MAGI2: variants seen among roughly 807,000 people sequenced by gnomAD.
MAGI2 encodes the protein membrane-associated guanylate kinase, WW and PDZ domain-containing protein 2.
MAGI2 carries 35 observed loss-of-function variants against 133.3 expected under a neutral mutation model. The observed-to-expected ratio is 0.26, with a 90% CI of 0.20 to 0.35. The LOEUF is 0.35. MAGI2 is among the 10% of genes least tolerant of loss of function. The pLI, the probability that MAGI2 is intolerant of heterozygous loss-of-function variation, is 1.00. For synonymous variants in MAGI2, 729 were observed against 710.6 expected (o/e 1.03, Z -0.41); for missense variants, 1,636 against 1,863.4 (o/e 0.88, Z 2.25).
intron 3 of MAGI2, among the ~76,000 whole-genome samples, chr7:78,529,855 G>GA (rs1268242034): frequency 6.6e-6 from 1 of 150,562 alleles, no homozygotes; most frequent in Non-Finnish European, 1.5e-5. Context: ...TATTAAAAGA[G>GA]AAAAAATGTG....
At chr7:78,168,846 GAAAACAAAAC>G (rs1180818243) in intron 14 of MAGI2, among the ~76,000 whole-genome samples, 1 of 152,176 alleles carries the variant, frequency 6.6e-6, no homozygotes. Flanking sequence ...AGGGTAAGGA[GAAAACAAAAC>G]AAAACAAAGC....
At chr7:78,538,108 A>C (rs762681047) in intron 3 of MAGI2, among the ~76,000 whole-genome samples, 28 of 151,862 alleles carry the variant, frequency 1.8e-4, no homozygotes, top group Non-Finnish European at 3.8e-4. Flanking sequence ...GTATGTTTTC[A>C]TTTGCTTTGT....
At chr7:78,604,192 G>C (rs1805537590) in intron 3 of MAGI2, among the ~76,000 whole-genome samples, 1 of 152,034 alleles carries the variant, frequency 6.6e-6, no homozygotes, top group Admixed American at 6.6e-5. Context: ...AGAATATTGG[G>C]GACAGGGAAG....
At chr7:79,322,258 T>C (rs1280338906) in intron 1 of MAGI2, among the ~76,000 whole-genome samples, 2 of 152,094 alleles carry the variant, frequency 1.3e-5, no homozygotes, top group African/African-American at 2.4e-5. Flanking sequence ...AATCACATAA[T>C]TGTTAGTTAT....
intron 1 of MAGI2, among the ~76,000 whole-genome samples, chr7:79,174,992 A>G (rs1825966309): frequency 6.6e-6 from 1 of 151,838 alleles, no homozygotes; most frequent in African/African-American, 2.4e-5. Flanking sequence ...AAGTAATTCC[A>G]TTTTGTTTAG....
intron 2 of MAGI2, among the ~76,000 whole-genome samples, chr7:78,654,696 CATATATGTATATATATAT>C (rs1345558208): frequency 5.1e-5 from 4 of 78,902 alleles, no homozygotes; most frequent in African/African-American, 1.6e-4. Context: ...TGTACTTTTA[CATATATGTATATATATAT>C]ATATATATAT....
chr7:79,070,143 T>A (rs758318231), intron 1 of MAGI2, among the ~76,000 whole-genome samples: 1 of 152,144 alleles, frequency 6.6e-6, no homozygotes, highest in Non-Finnish European at 1.5e-5. Flanking sequence ...TGAATTTGAA[T>A]GTTGGCCTGC....
chr7:78,610,372 C>A (rs191200530), intron 3 of MAGI2, among the ~76,000 whole-genome samples: 1 of 152,052 alleles, frequency 6.6e-6, no homozygotes, highest in Non-Finnish European at 1.5e-5. Flanking sequence ...GACAGAAAAC[C>A]ATCACTACAT....
rs911890300 is a variant in MAGI2, at chr7:78,857,881, C to T, written c.418+149209G>A. ...GAATTCAACTGTGATTCCGTCTGGT[C>T]CTGGATTTTTTTTGTTGGTAGGCCA... is the stretch of plus-strand genomic sequence containing the variant. On this transcript the variant is annotated intron_variant, in intron 2 of 21. Transcript: ENST00000354212. Among the ~76,000 whole-genome samples the T allele has an allele frequency of 2.6e-5, 4 of 152,228 alleles. No homozygotes were observed. The South Asian group carries it at 8.3e-4, about 32-fold the overall frequency.
At chr7:78,058,007 A>ATATATATATATG (rs1812822593) in intron 21 of MAGI2, among the ~76,000 whole-genome samples, 1 of 47,418 alleles carries the variant, frequency 2.1e-5, no homozygotes, top group Non-Finnish European at 4.0e-5. Flanking sequence ...ATATATATGT[A>ATATATATATATG]TGAGAAACAT....
chr7:79,036,786 A>G (rs374378083), intron 1 of MAGI2, among the ~76,000 whole-genome samples: 7 of 152,240 alleles, frequency 4.6e-5, no homozygotes, highest in African/African-American at 1.7e-4. Context: ...ATAATAAAGT[A>G]CAAATCAATG....
chr7:78,394,219 C>T (rs1796144061), intron 6 of MAGI2, among the ~76,000 whole-genome samples: 1 of 152,192 alleles, frequency 6.6e-6, no homozygotes, highest in South Asian at 2.1e-4. Context: ...CTGGGCATCC[C>T]TTACCTCAGT....
intron 2 of MAGI2, among the ~76,000 whole-genome samples, chr7:78,628,786 T>C (rs1381804825): frequency 6.7e-6 from 1 of 148,202 alleles, no homozygotes; most frequent in Non-Finnish European, 1.5e-5. Flanking sequence ...ATGCATAATA[T>C]TGTCAAGTTA....
chr7:78,480,104 T>C (rs894047359), intron 6 of MAGI2, among the ~76,000 whole-genome samples: 1 of 151,830 alleles, frequency 6.6e-6, no homozygotes, highest in African/African-American at 2.4e-5. Flanking sequence ...AATGAACCAA[T>C]TCCTATAAAA....
chr7:78,909,429 T>TA lies in MAGI2; in HGVS notation c.418+97660dup, dbSNP rs71085571. On this transcript the variant is annotated intron_variant, in intron 2 of 21. Coordinates refer to ENST00000354212, the MANE Select transcript of MAGI2 (RefSeq NM_012301.4). Reference sequence around the variant, plus strand: ...TAACATGGTGAAACCCCGTCTCTACTAAAAAAAAAAAAAAACAAAAAAAAT... The same window carrying TA: ...TAACATGGTGAAACCCCGTCTCTACTAAAAAAAAAAAAAAAACAAAAAAAAT... Among the ~76,000 whole-genome samples the TA allele has an allele frequency of 7.4e-3, 988 of 132,906 alleles. 7 individuals are homozygous for TA. Among genetic ancestry groups the TA allele is most frequent in the Non-Finnish European group, 0.012 (729 of 61,938 alleles). The allele number at this position is 132,906 out of a possible 152,430, so 87.2% of individuals were successfully genotyped here.
chr7:79,094,334 C>G (rs947460881), intron 1 of MAGI2, among the ~76,000 whole-genome samples: 1 of 152,212 alleles, frequency 6.6e-6, no homozygotes, highest in Non-Finnish European at 1.5e-5. Context: ...GCAGTCACAT[C>G]TTCAGTCTCC....
chr7:79,022,801 G>C (rs1490818653), intron 1 of MAGI2, among the ~76,000 whole-genome samples: 1 of 152,084 alleles, frequency 6.6e-6, no homozygotes, highest in Non-Finnish European at 1.5e-5. Flanking sequence ...GATTGAACCA[G>C]GAAGAGACTG....
chr7:78,715,011 C>A (rs1819567377), intron 2 of MAGI2, among the ~76,000 whole-genome samples: 1 of 152,112 alleles, frequency 6.6e-6, no homozygotes, highest in Admixed American at 6.6e-5. Context: ...CATGATGAGA[C>A]CTCTTATATA....
chr7:78,298,128 A>G (rs1797474630), intron 9 of MAGI2, among the ~76,000 whole-genome samples: 1 of 152,190 alleles, frequency 6.6e-6, no homozygotes, highest in African/African-American at 2.4e-5. Context: ...TAGTCTCAGT[A>G]TAATCATGAG....
Sources: gnomAD v4.1 joint callset for allele counts (sites outside exome capture counted in the v4.1 genomes callset) on GRCh38, gnomAD v4.1.1 for gene constraint, MANE v1.5 for transcripts, NCBI Gene and HGNC (gene_info 2026-07-23, HGNC 2026-07-21) for gene names.